TMEM108: variants seen among roughly 807,000 people sequenced by gnomAD.
TMEM108 encodes the protein transmembrane protein 108.
Under a neutral mutation model 35.1 loss-of-function variants are expected in TMEM108, and 12 were observed. The ratio of observed to expected loss-of-function variants is 0.34; its 90% CI spans 0.22 to 0.55. The LOEUF (loss-of-function observed/expected upper bound fraction) is 0.55. Ranked by LOEUF, TMEM108 falls within the 20% of genes least tolerant of loss-of-function variation. TMEM108 has a pLI of 0.89. For missense variants in TMEM108, 680 were observed against 753.3 expected, an observed-to-expected ratio of 0.90 and a Z score of 1.14; for synonymous variants, 287 against 308.6, an observed-to-expected ratio of 0.93 and a Z score of 0.73.
At chr3:133,268,050 A>G (rs1946723047) in intron 3 of TMEM108, among the ~76,000 whole-genome samples, 1 of 152,222 alleles carries the variant, frequency 6.6e-6, no homozygotes, top group African/African-American at 2.4e-5. Flanking sequence ...ATGATCTGGA[A>G]TGGCAGAAGC....
intron 2 of TMEM108, among the ~76,000 whole-genome samples, chr3:133,200,152 A>G (rs1243210873): frequency 6.6e-6 from 1 of 152,164 alleles, no homozygotes. Context: ...CCGATTTTCC[A>G]GGTGCCGTCT....
chr3:133,148,937 C>T (rs1944759140), intron 2 of TMEM108, among the ~76,000 whole-genome samples: 1 of 152,200 alleles, frequency 6.6e-6, no homozygotes, highest in Admixed American at 6.5e-5. Flanking sequence ...GCTGAGGCTG[C>T]AGTGAGCCAA....
chr3:133,242,084 C>A (rs1319537181), intron 3 of TMEM108, among the ~76,000 whole-genome samples: 3 of 152,176 alleles, frequency 2.0e-5, no homozygotes, highest in African/African-American at 7.2e-5. Context: ...TGGCCTTCTC[C>A]TCTTTTCCAT....
chr3:133,138,057 A>G (rs1364127427), intron 2 of TMEM108, among the ~76,000 whole-genome samples: 1 of 152,222 alleles, frequency 6.6e-6, no homozygotes, highest in African/African-American at 2.4e-5. Context: ...TTGGATGGCA[A>G]TTGGAACTGG....
chr3:133,302,415 C>CTTTTTTTTTTTTTTTTTT (rs927704510), intron 3 of TMEM108, among the ~76,000 whole-genome samples: 4 of 110,102 alleles, frequency 3.6e-5, no homozygotes, highest in East Asian at 3.1e-4. Context: ...TTCTTTCTTT[C>CTTTTTTTTTTTTTTTTTT]TTTTTTTTTT....
intron 1 of TMEM108, among the ~76,000 whole-genome samples, chr3:133,041,290 G>A (rs1198082193): frequency 6.6e-6 from 1 of 152,152 alleles, no homozygotes; most frequent in African/African-American, 2.4e-5. Context: ...CATCAGTTAT[G>A]CTTGTAATGT....
At chr3:133,074,678 G>A (rs973117681) in intron 2 of TMEM108, among the ~76,000 whole-genome samples, 2 of 152,146 alleles carry the variant, frequency 1.3e-5, no homozygotes, top group Admixed American at 1.3e-4. Flanking sequence ...TAGTAGAGAT[G>A]GGGTTTTGCC....
At chr3:133,250,226 C>T (rs1209472374) in intron 3 of TMEM108, among the ~76,000 whole-genome samples, 2 of 152,134 alleles carry the variant, frequency 1.3e-5, no homozygotes, top group Admixed American at 6.5e-5. Flanking sequence ...TGAATTTTCT[C>T]CCATCTCTGC....
At chr3:133,244,509 G>A (rs1209667514) in intron 3 of TMEM108, among the ~76,000 whole-genome samples, 4 of 152,206 alleles carry the variant, frequency 2.6e-5, no homozygotes, top group Non-Finnish European at 5.9e-5. Flanking sequence ...ATGCCCCTGG[G>A]TTAGAGATGT....
chr3:133,043,663 A>T (rs1199747045), intron 1 of TMEM108, among the ~76,000 whole-genome samples: 1 of 151,966 alleles, frequency 6.6e-6, no homozygotes, highest in African/African-American at 2.4e-5. Flanking sequence ...TTCCCTTCTA[A>T]TTCATGACTT....
At chr3:133,378,566 A>C (rs2072911010) in intron 3 of TMEM108, 1 of 984,650 alleles carries the variant, frequency 1.0e-6, no homozygotes, top group Non-Finnish European at 1.2e-6. Context: ...GGTCAGAATC[A>C]GGCCTCAGAG....
intron 2 of TMEM108, among the ~76,000 whole-genome samples, chr3:133,121,423 GT>G (rs1944350993): frequency 6.6e-6 from 1 of 152,164 alleles, no homozygotes; most frequent in Non-Finnish European, 1.5e-5. Flanking sequence ...AAAAAGCCAA[GT>G]CTCTGACAAA....
chr3:133,272,297 GTGTGTGTGTGTGTGTT>G (rs1299220763), intron 3 of TMEM108, among the ~76,000 whole-genome samples: 3 of 149,418 alleles, frequency 2.0e-5, no homozygotes, highest in Admixed American at 6.6e-5. Flanking sequence ...GTGTGTGTGT[GTGTGTGTGTGTGTGTT>G]TCCTAAAGGA....
Position 133,116,241 on chromosome 3 carries a change from T to C in TMEM108, c.-47+70221T>C, listed in dbSNP as rs1229243354. On this transcript the variant is annotated intron_variant, in intron 2 of 5. Transcript: ENST00000321871. Reference sequence around the variant, plus strand: ...TTGTGATGCATCAGTAATTTCAGCATTCTTCCACCCAAGAATCACAGTAAA... The same window carrying C: ...TTGTGATGCATCAGTAATTTCAGCACTCTTCCACCCAAGAATCACAGTAAA... 3.3e-5 allele frequency among the ~76,000 whole-genome samples: 5 copies of C among 152,324 alleles called. No homozygotes were observed. In the East Asian group the frequency reaches 5.8e-4, roughly 18 times the overall value.
chr3:133,296,716 G>T (rs778722010), intron 3 of TMEM108, among the ~76,000 whole-genome samples: 1 of 152,138 alleles, frequency 6.6e-6, no homozygotes, highest in Admixed American at 6.5e-5. Flanking sequence ...GGACTTGGGG[G>T]CTGTTGATGG....
At position 133,379,773 on chromosome 3, in the gene TMEM108, T is replaced by C. The variant is rs774174257; in HGVS notation, c.62T>C (p.Leu21Pro). Residue 21 changes from leucine (L) to proline (P), a missense_variant, in exon 4 of 6, where the codon CTG becomes CCG. Leu to Pro is a moderately conservative substitution (Grantham distance 98). This residue lies in a region of TMEM108 where 49 missense variants were observed against 70.6 expected (regional missense o/e 0.69). Coordinates refer to ENST00000321871, the MANE Select transcript of TMEM108 (RefSeq NM_023943.4). The part of the protein sequence containing the change: ...QLLSFLLILA[L>P]TEALAFAIQE... The stretch of plus-strand genomic sequence containing the variant: ...CAAGGTTTCCTGCTGATCTTGGCAC[T>C]GACCGAAGCGCTGGCATTTGCCATC... 8.1e-6 allele frequency: 13 copies of C among 1,613,670 alleles called. 1 individual carries two copies. The South Asian group carries it at 1.4e-4, about 18-fold the overall frequency.
intron 3 of TMEM108, among the ~76,000 whole-genome samples, chr3:133,274,167 A>C (rs970225701): frequency 1.3e-5 from 2 of 152,176 alleles, no homozygotes; most frequent in African/African-American, 4.8e-5. Flanking sequence ...TGCATGCCCC[A>C]CTGCCTTCCC....
chr3:133,387,824 A>G, intron 4 of TMEM108: 2 of 985,202 alleles, frequency 2.0e-6, no homozygotes, highest in Non-Finnish European at 2.4e-6. Flanking sequence ...CTAGATTCTA[A>G]TTCTAAATTC....
intron 2 of TMEM108, among the ~76,000 whole-genome samples, chr3:133,150,193 A>T (rs1204257167): frequency 6.6e-6 from 1 of 152,092 alleles, no homozygotes; most frequent in Non-Finnish European, 1.5e-5. Context: ...AATAGATATG[A>T]AGTGATATTT....
Sources: gnomAD v4.1 joint callset for allele counts (sites outside exome capture counted in the v4.1 genomes callset) on GRCh38, gnomAD v4.1.1 for gene constraint, gnomAD v4.1.1 regional missense constraint, MANE v1.5 for transcripts, NCBI Gene and HGNC (gene_info 2026-07-23, HGNC 2026-07-21) for gene names.